OR52E5: variants seen among roughly 807,000 people sequenced by gnomAD.
OR52E5 encodes the protein olfactory receptor 52E5.
At chr11:5,898,798 T>C (rs557273468) in intron 2 of OR52E5, among the ~76,000 whole-genome samples, 1 of 152,184 alleles carries the variant, frequency 6.6e-6, no homozygotes, top group Non-Finnish European at 1.5e-5. Context: ...CACTGATTTT[T>C]GTGTCATGTT....
chr11:5,896,365 G>A (rs1847175044), intron 2 of OR52E5, among the ~76,000 whole-genome samples: 1 of 147,538 alleles, frequency 6.8e-6, no homozygotes, highest in Non-Finnish European at 1.5e-5. Flanking sequence ...AGCTTGCAGT[G>A]AGCTGAGATA....
At chr11:5,899,592 T>C (rs937546176) in intron 2 of OR52E5, among the ~76,000 whole-genome samples, 2 of 152,204 alleles carry the variant, frequency 1.3e-5, no homozygotes, top group African/African-American at 4.8e-5. Context: ...ATTTGACCCA[T>C]GGCACTGATA....
chr11:5,901,870 G>T lies in OR52E5; in HGVS notation c.*110G>T, dbSNP rs1057047590. 1.0e-4 allele frequency: 40 copies of T among 398,856 alleles called. No homozygotes were observed. Among genetic ancestry groups the T allele is most frequent in the African/African-American group, 7.4e-4 (36 of 48,714 alleles). The allele number at this position is 398,856 out of a possible 1,614,324, so 24.7% of individuals were successfully genotyped here. A position where few individuals can be genotyped will look rare whatever the true frequency, so the allele number is the denominator to read the frequency against. Reference sequence around the variant, plus strand: ...CTACAACGTCTCATGATTTCAGTACGGTCTGTTGGAAGTTATAGCTCAAAG... The same window carrying T: ...CTACAACGTCTCATGATTTCAGTACTGTCTGTTGGAAGTTATAGCTCAAAG... On this transcript the variant is annotated 3_prime_UTR_variant, in exon 3 of 3. Transcript: ENST00000610445.
chr11:5,893,572 G>A (rs2134285759), intron 1 of OR52E5, among the ~76,000 whole-genome samples: 1 of 151,998 alleles, frequency 6.6e-6, no homozygotes, highest in African/African-American at 2.4e-5. Context: ...AAAAAAAAAA[G>A]AGCATTTCAT....
At chr11:5,900,219 T>G (rs1190720948) in intron 2 of OR52E5, among the ~76,000 whole-genome samples, 1 of 152,144 alleles carries the variant, frequency 6.6e-6, no homozygotes, top group South Asian at 2.1e-4. Context: ...TTTAAAAATT[T>G]TATTTATTAT....
In OR52E5 at chr11:5,893,230, A is replaced by G. The variant is rs777161365; in HGVS notation, c.-268A>G. 2 of 152,262 alleles carry G rather than the reference A, an allele frequency of 1.3e-5. No individual in the cohort carries two copies. The highest frequency in any genetic ancestry group is 2.4e-5 in the African/African-American group (1 of 41,454). 9.4% of individuals were successfully genotyped at this position (152,262 alleles called of 1,614,324 possible). A position where few individuals can be genotyped will look rare whatever the true frequency, so the allele number is the denominator to read the frequency against. ...TCGCATACAGGTTGCAGTCTGGGGT[A>G]TCCGGTCCTTCACAGACAATTTCTC... On this transcript the variant is annotated 5_prime_UTR_variant, in exon 1 of 3. Coordinates refer to ENST00000610445, the MANE Select transcript of OR52E5 (RefSeq NM_001005166.5).
intron 1 of OR52E5, among the ~76,000 whole-genome samples, chr11:5,895,308 G>C (rs554805936): frequency 6.6e-6 from 1 of 152,246 alleles, no homozygotes; most frequent in South Asian, 2.1e-4. Flanking sequence ...ATTTGAAATT[G>C]CATATCACAA....
chr11:5,899,087 C>A (rs117680854), intron 2 of OR52E5, among the ~76,000 whole-genome samples: 1 of 152,014 alleles, frequency 6.6e-6, no homozygotes, highest in Non-Finnish European at 1.5e-5. Context: ...CGTTAGTTTG[C>A]GTTATCTGTG....
intron 2 of OR52E5, among the ~76,000 whole-genome samples, chr11:5,895,926 G>C (rs1406670306): frequency 3.3e-5 from 5 of 152,006 alleles, no homozygotes; most frequent in African/African-American, 9.7e-5. Context: ...GTGGGCACCT[G>C]TAATCCTAGC....
At position 5,901,267 on chromosome 11, in the gene OR52E5, T is replaced by C. The variant is rs112148518; in HGVS notation, c.491T>C (p.Leu164Pro). Residue 164 changes from leucine (L) to proline (P), a missense_variant, in exon 3 of 3, where the codon CTC becomes CCC. Transcript: ENST00000610445. Reference protein sequence around the residue: ...TLVFVTPFTFLILRLPFCGVR... With the variant: ...TLVFVTPFTFPILRLPFCGVR... ...GTATTTGTGACTCCATTCACATTTC[T>C]CATCCTGAGATTGCCTTTCTGTGGT... The C allele has an allele frequency of 5.0e-6, 2 of 401,836 alleles. No individual in the cohort carries two copies. 24.9% of individuals were successfully genotyped at this position (401,836 alleles called of 1,614,324 possible).
chr11:5,899,419 A>C (rs903113076), intron 2 of OR52E5, among the ~76,000 whole-genome samples: 4 of 152,214 alleles, frequency 2.6e-5, no homozygotes, highest in Non-Finnish European at 5.9e-5. Context: ...CCACACCATG[A>C]AATTGGACAG....
rs56197568 is a variant in OR52E5, at chr11:5,896,246, T to TAAA, written c.-146+556_-146+558dup. Among the ~76,000 whole-genome samples the TAAA allele has an allele frequency of 1.6e-3, 88 of 53,544 alleles. 10 individuals carry two copies. Among genetic ancestry groups the TAAA allele is most frequent in the Middle Eastern group, 0.019 (1 of 54 alleles). 35.1% of individuals were successfully genotyped at this position (53,544 alleles called of 152,430 possible). Reference sequence around the variant, plus strand: ...TAACATGGTGAAACCTCGTCTCTACTAAAAAAAAAAAAAAAAAAAAAAAAA... The same window carrying TAAA: ...TAACATGGTGAAACCTCGTCTCTACTAAAAAAAAAAAAAAAAAAAAAAAAAAAA... On this transcript the variant is annotated intron_variant, in intron 2 of 2. Transcript: ENST00000610445.
Position 5,900,702 on chromosome 11 carries a change from G to A in OR52E5, c.-75G>A, listed in dbSNP as rs1847237624. The A allele has an allele frequency of 2.5e-6, 1 of 398,244 alleles. No individual in the cohort carries two copies. The highest frequency in any genetic ancestry group is 1.4e-4 in the South Asian group (1 of 7,294). 24.7% of individuals were successfully genotyped at this position (398,244 alleles called of 1,614,324 possible). Reference sequence around the variant, plus strand: ...CCCCAAGAAATAGACACCATGCTGTGAAAGAAGTTATGGTTTCTCACTGGA... The same window carrying A: ...CCCCAAGAAATAGACACCATGCTGTAAAAGAAGTTATGGTTTCTCACTGGA... On this transcript the variant is annotated 5_prime_UTR_variant, in exon 3 of 3. It removes the in-frame stop codon of an upstream open reading frame in the 5' UTR. Coordinates refer to ENST00000610445, the MANE Select transcript of OR52E5 (RefSeq NM_001005166.5).
chr11:5,902,020 G>T lies in OR52E5; in HGVS notation c.*260G>T, dbSNP rs1847262692. 3.4e-6 allele frequency: 1 copy of T among 298,342 alleles called. No homozygotes were observed. The highest frequency in any genetic ancestry group is 5.4e-5 in the East Asian group (1 of 18,622). The allele number at this position is 298,342 out of a possible 1,614,324, so 18.5% of individuals were successfully genotyped here. On this transcript the variant is annotated 3_prime_UTR_variant, in exon 3 of 3. Transcript: ENST00000610445. ...TTGTAAAAGTTATTGCCCAGTAATT[G>T]TCTTGAATAGCCTTTCCACATGAAG... is the stretch of plus-strand genomic sequence containing the variant.
chr11:5,900,693 C>A lies in OR52E5; in HGVS notation c.-84C>A, dbSNP rs1847237399. The stretch of plus-strand genomic sequence containing the variant: ...TTTCTGTTTCCCCAAGAAATAGACA[C>A]CATGCTGTGAAAGAAGTTATGGTTT... On this transcript the variant is annotated 5_prime_UTR_variant, in exon 3 of 3. Transcript: ENST00000610445. 1 of 398,100 alleles carries A rather than the reference C, an allele frequency of 2.5e-6. No individual in the cohort carries two copies. The highest frequency in any genetic ancestry group is 3.6e-5 in the East Asian group (1 of 28,074). 24.7% of individuals were successfully genotyped at this position (398,100 alleles called of 1,614,324 possible). A position where few individuals can be genotyped will look rare whatever the true frequency, so the allele number is the denominator to read the frequency against.
chr11:5,899,050 C>T (rs1474314267), intron 2 of OR52E5, among the ~76,000 whole-genome samples: 1 of 152,092 alleles, frequency 6.6e-6, no homozygotes, highest in Admixed American at 6.5e-5. Context: ...AGTGATTCTT[C>T]CAGATTATGA....
At chr11:5,896,420 CAA>C (rs11333518) in intron 2 of OR52E5, among the ~76,000 whole-genome samples, 2,383 of 104,550 alleles carry the variant, frequency 0.023, 54 homozygotes, top group African/African-American at 0.071. Context: ...GACACTGTGT[CAA>C]AAAAAAAAAA....
chr11:5,896,246 TAAAAAAAAAAAA>T (rs56197568), intron 2 of OR52E5, among the ~76,000 whole-genome samples: 2 of 53,556 alleles, frequency 3.7e-5, no homozygotes, highest in African/African-American at 9.0e-5. Flanking sequence ...TCGTCTCTAC[TAAAAAAAAAAAA>T]AAAAAAAAAA....
chr11:5,896,403 A>C (rs1847175712), intron 2 of OR52E5, among the ~76,000 whole-genome samples: 1 of 145,164 alleles, frequency 6.9e-6, no homozygotes, highest in Non-Finnish European at 1.5e-5. Context: ...CCTGGGCGAC[A>C]GAGTGGGACA....
Sources: allele counts gnomAD v4.1 joint callset (sites outside exome capture counted in the v4.1 genomes callset), GRCh38; gene constraint gnomAD v4.1.1; transcripts MANE v1.5; gene names NCBI Gene and HGNC (gene_info 2026-07-23, HGNC 2026-07-21).